The following ZEB1 variants were observed in gnomAD, a reference collection of about 807,000 sequenced individuals.
The protein encoded by ZEB1 is zinc finger E-box-binding homeobox 1.
In ZEB1, 21 loss-of-function variants were observed where a neutral mutation model predicts 84.9. That is an observed-to-expected ratio of 0.25 (90% CI 0.18 to 0.36). The LOEUF (loss-of-function observed/expected upper bound fraction) is 0.36. Among genes scored for constraint, ZEB1 ranks in the 10% least tolerant of loss-of-function variants. ZEB1 has a pLI of 1.00. For synonymous variants in ZEB1, 420 were observed against 471.1 expected, an observed-to-expected ratio of 0.89 and a Z score of 1.41; for missense variants, 1,104 against 1,330.2, an observed-to-expected ratio of 0.83 and a Z score of 2.65.
intron 1 of ZEB1, chr10:31,372,900 A>T: frequency 3.4e-6 from 2 of 594,654 alleles, no homozygotes; most frequent in Non-Finnish European, 4.2e-6. Context: ...TCTCAAATAT[A>T]ATATTAGGAC....
intron 1 of ZEB1, among the ~76,000 whole-genome samples, chr10:31,369,340 C>G (rs1209135929): frequency 2.0e-5 from 3 of 152,146 alleles, no homozygotes; most frequent in Non-Finnish European, 4.4e-5. Flanking sequence ...ACTTCATACC[C>G]CTTGATCAAC....
At chr10:31,329,839 A>C (rs537186347) in intron 1 of ZEB1, among the ~76,000 whole-genome samples, 2 of 152,174 alleles carry the variant, frequency 1.3e-5, no homozygotes, top group African/African-American at 2.4e-5. Context: ...GGCCACTTGT[A>C]TATTTTCCTT....
chr10:31,387,928 A>G (rs2135122207), intron 1 of ZEB1: 1 of 203,696 alleles, frequency 4.9e-6, no homozygotes, highest in Admixed American at 6.5e-5. Flanking sequence ...GAAATGAAGA[A>G]TAAATATGTT....
rs191826221 is a variant in ZEB1, at chr10:31,449,268, G to A, written c.59-11769G>A. On this transcript the variant is annotated intron_variant, in intron 1 of 8. Coordinates refer to ENST00000424869, the MANE Select transcript of ZEB1 (RefSeq NM_001174096.2). ...GTGAGGCAATGCCTCGCCCTGCTTC[G>A]GCTTGCGCACAGTGCGCGCACCCAC... Among the ~76,000 whole-genome samples, 8 of 152,340 alleles carry A rather than the reference G, an allele frequency of 5.3e-5. No homozygotes were observed. In the East Asian group the frequency reaches 1.2e-3, roughly 22 times the overall value.
intron 2 of ZEB1, among the ~76,000 whole-genome samples, chr10:31,478,680 A>G (rs1325778011): frequency 2.6e-5 from 4 of 151,970 alleles, no homozygotes; most frequent in Non-Finnish European, 4.4e-5. Flanking sequence ...ATAAAAACAA[A>G]TGAAATTATG....
chr10:31,458,745 CATATTT>C (rs2061516488), intron 1 of ZEB1, among the ~76,000 whole-genome samples: 1 of 151,974 alleles, frequency 6.6e-6, no homozygotes, highest in Admixed American at 6.6e-5. Flanking sequence ...CAAAATTATA[CATATTT>C]ACAAGAAAAA....
At chr10:31,477,695 CATAAAT>C (rs2064430748) in intron 2 of ZEB1, among the ~76,000 whole-genome samples, 1 of 151,952 alleles carries the variant, frequency 6.6e-6, no homozygotes, top group Non-Finnish European at 1.5e-5. Flanking sequence ...ACAAAGAACT[CATAAAT>C]AAAGTGACAT....
intron 6 of ZEB1, among the ~76,000 whole-genome samples, chr10:31,516,539 TAAAAAAAAAAAAAAAAA>T (rs71027029): frequency 3.8e-4 from 13 of 34,072 alleles, no homozygotes; most frequent in African/African-American, 9.9e-4. Flanking sequence ...TGTCTGTAAG[TAAAAAAAAAAAAAAAAA>T]AAAAAAAAAA....
At chr10:31,320,420 G>C (rs2033619742) in intron 1 of ZEB1, 1 of 151,284 alleles carries the variant, frequency 6.6e-6, no homozygotes, top group African/African-American at 2.4e-5. Context: ...ACCTGGGCCG[G>C]ACGCACGGAG....
rs367864515 is a variant in ZEB1 at position 31,476,445 on chromosome 10, A to G, written c.259+15208A>G. On this transcript the variant is annotated intron_variant, in intron 2 of 8. Coordinates refer to ENST00000424869, the MANE Select transcript of ZEB1 (RefSeq NM_001174096.2). Reference sequence around the variant, plus strand: ...AATCCTGAACAGACAAATTATGAGTAAGGAAATTGAATCAATAGTAAAAAA... The same window carrying G: ...AATCCTGAACAGACAAATTATGAGTGAGGAAATTGAATCAATAGTAAAAAA... Among the ~76,000 whole-genome samples the G allele has an allele frequency of 2.4e-4, 37 of 151,970 alleles. 1 individual carries two copies. Among genetic ancestry groups the G allele is most frequent in the African/African-American group, 8.0e-4 (33 of 41,366 alleles).
intron 2 of ZEB1, among the ~76,000 whole-genome samples, chr10:31,467,679 C>T (rs894155939): frequency 1.3e-5 from 2 of 152,154 alleles, no homozygotes; most frequent in Non-Finnish European, 2.9e-5. Flanking sequence ...CTCAAGCATA[C>T]CACCCAGGAA....
At chr10:31,488,386 T>A (rs748523265) in intron 2 of ZEB1, among the ~76,000 whole-genome samples, 6 of 151,222 alleles carry the variant, frequency 4.0e-5, no homozygotes, top group Non-Finnish European at 8.9e-5. Flanking sequence ...TTCTAATATC[T>A]GCTGGTTCTA....
In ZEB1 at chr10:31,450,873, C is replaced by CGTGTGTGTGTGTGTGTGT. The variant is rs137905132; in HGVS notation, c.59-10147_59-10146insTGTGTGTGTGTGTGTGTG. Among the ~76,000 whole-genome samples, 35 of 149,548 alleles carry CGTGTGTGTGTGTGTGTGT rather than the reference C, an allele frequency of 2.3e-4. 1 individual carries two copies. Among genetic ancestry groups the CGTGTGTGTGTGTGTGTGT allele is most frequent in the South Asian group, 8.5e-4 (4 of 4,694 alleles). On this transcript the variant is annotated intron_variant, in intron 1 of 8. Transcript: ENST00000424869. ...ATTGCATATTTTATTTAGGACTGAG[C>CGTGTGTGTGTGTGTGTGT]GTGTGTGTGTGTGTGTGCGTGCGTG...
At chr10:31,462,893 G>A (rs1027215902) in intron 2 of ZEB1, among the ~76,000 whole-genome samples, 1 of 152,106 alleles carries the variant, frequency 6.6e-6, no homozygotes, top group Non-Finnish European at 1.5e-5. Context: ...CCCATGGGAT[G>A]GGAATAGAAG....
chr10:31,328,712 G>C (rs1366252167), intron 1 of ZEB1, among the ~76,000 whole-genome samples: 1 of 152,040 alleles, frequency 6.6e-6, no homozygotes, highest in Non-Finnish European at 1.5e-5. Context: ...ATCTTTTTAA[G>C]GGCCATTATA....
rs74361535 is a variant in ZEB1, at chr10:31,380,480, G to A, written c.58+61188G>A. Among the ~76,000 whole-genome samples the A allele has an allele frequency of 4.6e-5, 7 of 152,208 alleles. No individual in the cohort carries two copies. The East Asian group carries it at 1.4e-3, about 29-fold the overall frequency. Reference sequence around the variant, plus strand: ...ATACTCTTATCAATGCTAAAATTGGGCAGTGGTGCCAACCCAATCTCTCTA... The same window carrying A: ...ATACTCTTATCAATGCTAAAATTGGACAGTGGTGCCAACCCAATCTCTCTA... On this transcript the variant is annotated intron_variant, in intron 1 of 8. Transcript: ENST00000424869.
At chr10:31,522,370 A>G (rs755961029) in intron 7 of ZEB1, among the ~76,000 whole-genome samples, 1 of 152,230 alleles carries the variant, frequency 6.6e-6, no homozygotes, top group Non-Finnish European at 1.5e-5. Context: ...TATCACTTTT[A>G]TATACTAATA....
At chr10:31,355,731 T>G (rs936913527) in intron 1 of ZEB1, among the ~76,000 whole-genome samples, 4 of 152,080 alleles carry the variant, frequency 2.6e-5, no homozygotes, top group Admixed American at 6.6e-5. Context: ...AAGGAAGAAC[T>G]GAAAAGATTC....
chr10:31,453,996 T>C (rs2060900498), intron 1 of ZEB1, among the ~76,000 whole-genome samples: 1 of 152,114 alleles, frequency 6.6e-6, no homozygotes, highest in Admixed American at 6.6e-5. Context: ...TGAACATCGA[T>C]GTGAAAATCC....
Sources: allele counts gnomAD v4.1 joint callset (sites outside exome capture counted in the v4.1 genomes callset), GRCh38; gene constraint gnomAD v4.1.1; transcripts MANE v1.5; gene names NCBI Gene and HGNC (gene_info 2026-07-23, HGNC 2026-07-21).